IL7: variants seen among roughly 807,000 people sequenced by gnomAD.
The protein encoded by IL7 is interleukin-7.
IL7 carries 3 observed loss-of-function variants against 21.6 expected under a neutral mutation model. That is an observed-to-expected ratio of 0.14 (90% CI 0.06 to 0.36). The LOEUF is 0.36. IL7 is among the 10% of genes least tolerant of loss of function. The probability of loss-of-function intolerance (pLI) is 1.00; values close to 1 mark genes in which losing one functional copy is unlikely to be tolerated. For synonymous variants in IL7, 62 were observed against 68.1 expected (o/e 0.91, Z 0.44); for missense variants, 175 against 200.2 (o/e 0.87, Z 0.76).
intron 2 of IL7, among the ~76,000 whole-genome samples, chr8:78,764,860 C>T (rs1042664883): frequency 5.9e-5 from 9 of 151,704 alleles, no homozygotes; most frequent in Admixed American, 5.3e-4. Context: ...GGAAAAAGAC[C>T]CAGGAGAGTA....
At chr8:78,739,938 C>G in intron 3 of IL7, 64 bp downstream of exon 3, 1 of 1,395,512 alleles carries the variant, frequency 7.2e-7, no homozygotes, top group Non-Finnish European at 9.4e-7. Context: ...CTAACAGAGG[C>G]ACAAAAAATA....
In IL7 at chr8:78,676,140, AAAAT is replaced by A. The variant is rs751339330; in HGVS notation, n.274-40_274-37del. 836 of 242,140 alleles carry A rather than the reference AAAAT, an allele frequency of 3.5e-3. 7 individuals are homozygous for A. The highest frequency in any genetic ancestry group is 6.2e-3 in the South Asian group (37 of 5,982). 15.0% of individuals were successfully genotyped at this position (242,140 alleles called of 1,614,324 possible). ...ACAAACAAAATAAAAAAAAAAAAAC[AAAAT>A]CAGATACCTTAGAAATAAGTAATTA... On this transcript the variant is annotated intron_variant and non_coding_transcript_variant, in intron 4 of 4. Transcript: ENST00000523959.
chr8:78,726,303 G>A (rs1811339185), intron 3 of IL7, among the ~76,000 whole-genome samples: 1 of 151,964 alleles, frequency 6.6e-6, no homozygotes, highest in African/African-American at 2.4e-5. Context: ...ATGTGCAAAT[G>A]TACAAGAGAG....
At chr8:78,698,838 C>T (rs918269642) in intron 3 of IL7, among the ~76,000 whole-genome samples, 1 of 152,124 alleles carries the variant, frequency 6.6e-6, no homozygotes, top group African/African-American at 2.4e-5. Flanking sequence ...GTATCAGGCA[C>T]TGTGCTAGAC....
intron 2 of IL7, among the ~76,000 whole-genome samples, chr8:78,785,649 C>T (rs986877212): frequency 6.6e-6 from 1 of 152,140 alleles, no homozygotes; most frequent in African/African-American, 2.4e-5. Flanking sequence ...TTCGTGTCTG[C>T]CCCCTTCCAG....
At chr8:78,794,373 A>C (rs1813789004) in intron 2 of IL7, among the ~76,000 whole-genome samples, 1 of 152,132 alleles carries the variant, frequency 6.6e-6, no homozygotes, top group Non-Finnish European at 1.5e-5. Context: ...GAAAACATTA[A>C]TATCCATCAG....
At chr8:78,762,114 C>T (rs111513649) in intron 2 of IL7, 4 of 1,597,026 alleles carry the variant, frequency 2.5e-6, no homozygotes, top group Non-Finnish European at 3.4e-6. Context: ...TCACTCAGTT[C>T]TTTTATTCGT....
chr8:78,747,045 C>A, intron 2 of IL7: 1 of 456,664 alleles, frequency 2.2e-6, no homozygotes, highest in South Asian at 1.5e-5. Flanking sequence ...TTGCTCATAG[C>A]TGATTGCTGC....
chr8:78,771,193 T>G (rs769353734), intron 2 of IL7, among the ~76,000 whole-genome samples: 1 of 139,502 alleles, frequency 7.2e-6, no homozygotes, highest in Non-Finnish European at 1.7e-5. Flanking sequence ...ATTGTGGTTT[T>G]CATTGCATAT....
intron 2 of IL7, among the ~76,000 whole-genome samples, chr8:78,789,758 G>A (rs1813625032): frequency 6.6e-6 from 1 of 152,134 alleles, no homozygotes; most frequent in Non-Finnish European, 1.5e-5. Context: ...TAATACAGGT[G>A]TTAAGATGAT....
chr8:78,728,938 A>G (rs1463858144), downstream of IL7, among the ~76,000 whole-genome samples: 3 of 151,858 alleles, frequency 2.0e-5, no homozygotes, highest in African/African-American at 7.3e-5. Context: ...TCCCTTTGCA[A>G]CTCTTCAGGG....
At chr8:78,680,318 A>C (rs967390592) in intron 4 of IL7, among the ~76,000 whole-genome samples, 6 of 148,974 alleles carry the variant, frequency 4.0e-5, no homozygotes, top group Non-Finnish European at 8.9e-5. Flanking sequence ...AAAAAAAAGC[A>C]AAGTAAAAAC....
chr8:78,769,288 T>C (rs542345118), intron 2 of IL7, among the ~76,000 whole-genome samples: 9 of 152,196 alleles, frequency 5.9e-5, no homozygotes, highest in East Asian at 1.9e-4. Context: ...GAAAACCCCA[T>C]TGTCTCAGCC....
chr8:78,687,646 T>TTATGTAA (rs1810044000), intron 3 of IL7, among the ~76,000 whole-genome samples: 1 of 130,054 alleles, frequency 7.7e-6, no homozygotes, highest in African/African-American at 2.8e-5. Flanking sequence ...ATATATATAT[T>TTATGTAA]TACGTAATAC....
intron 3 of IL7, among the ~76,000 whole-genome samples, chr8:78,688,089 G>A (rs767308730): frequency 2.6e-5 from 4 of 151,028 alleles, no homozygotes; most frequent in East Asian, 1.9e-4. Flanking sequence ...CATACTTTGC[G>A]AAACCCTGTT....
At chr8:78,751,931 C>A (rs936923527) in intron 2 of IL7, among the ~76,000 whole-genome samples, 6 of 152,118 alleles carry the variant, frequency 3.9e-5, no homozygotes, top group Non-Finnish European at 7.4e-5. Context: ...TCCCTCCTAC[C>A]CTTTTGTGCC....
intron 5 of IL7, among the ~76,000 whole-genome samples, chr8:78,720,707 G>A (rs1397922713): frequency 1.3e-4 from 20 of 151,834 alleles, no homozygotes; most frequent in Admixed American, 1.3e-3. Context: ...CAGGATTGCA[G>A]TAATTGATAG....
At chr8:78,782,747 G>A (rs1004889130) in intron 2 of IL7, among the ~76,000 whole-genome samples, 7 of 152,048 alleles carry the variant, frequency 4.6e-5, no homozygotes, top group African/African-American at 1.7e-4. Flanking sequence ...AATCCCACTC[G>A]TCTGAACTGC....
At chr8:78,794,977 A>G in intron 2 of IL7, among the ~76,000 whole-genome samples, 1 of 152,140 alleles carries the variant, frequency 6.6e-6, no homozygotes, top group Admixed American at 6.6e-5. Context: ...TGCTGATTGA[A>G]TAAACTATCA....
Sources: allele counts gnomAD v4.1 joint callset (sites outside exome capture counted in the v4.1 genomes callset), GRCh38; gene constraint gnomAD v4.1.1; transcripts MANE v1.5; gene names NCBI Gene and HGNC (gene_info 2026-07-23, HGNC 2026-07-21).